Variants in FARP1 observed in about 807,000 individuals in gnomAD.
The protein encoded by FARP1 is FERM, ARH/RhoGEF and pleckstrin domain protein 1, also known as FERM, ARHGEF and pleckstrin domain-containing protein 1.
A neutral mutation model predicts 128.8 loss-of-function variants in FARP1; 52 were observed. That is an observed-to-expected ratio of 0.40 (90% CI 0.32 to 0.51). The LOEUF is 0.51. Ranked by LOEUF, FARP1 falls within the 20% of genes least tolerant of loss-of-function variation. The probability of loss-of-function intolerance (pLI) is 0.45; values close to 1 mark genes in which losing one functional copy is unlikely to be tolerated. For missense variants in FARP1, 1,333 were observed against 1,367.9 expected, an observed-to-expected ratio of 0.97 and a Z score of 0.40; for synonymous variants, 580 against 551.8, an observed-to-expected ratio of 1.05 and a Z score of -0.72.
intron 2 of FARP1, chr13:98,328,686 C>T (rs147099548): frequency 6.6e-6 from 1 of 152,200 alleles, no homozygotes; most frequent in Admixed American, 6.5e-5. Flanking sequence ...TTGCCAGCAT[C>T]ACTACTGTTT....
chr13:98,236,226 A>G (rs1325329797), intron 2 of FARP1, among the ~76,000 whole-genome samples: 1 of 152,084 alleles, frequency 6.6e-6, no homozygotes, highest in African/African-American at 2.4e-5. Flanking sequence ...TTCTTCAAAA[A>G]CCTTGATTTG....
chr13:98,358,649 C>T (rs1888735680), intron 3 of FARP1, among the ~76,000 whole-genome samples: 1 of 151,884 alleles, frequency 6.6e-6, no homozygotes, highest in African/African-American at 2.4e-5. Context: ...CTTTCTTTTT[C>T]TTTTTTTCTT....
intron 2 of FARP1, among the ~76,000 whole-genome samples, chr13:98,332,075 A>C (rs1449271972): frequency 6.6e-6 from 1 of 152,110 alleles, no homozygotes; most frequent in African/African-American, 2.4e-5. Context: ...TTGTGGTAAA[A>C]TATACGTAAC....
chr13:98,448,187 G>A (rs752571790), intron 26 of FARP1, 49 bp from the exon 27 acceptor site: 6 of 1,494,174 alleles, frequency 4.0e-6, no homozygotes, highest in South Asian at 3.4e-5. Context: ...CAAAGTGTCA[G>A]GAGTCCGTCC....
Position 98,440,048 on chromosome 13 carries a change from C to G in FARP1, c.2516+5C>G, listed in dbSNP as rs754798131. On this transcript the variant is annotated splice_donor_5th_base_variant and intron_variant, in intron 22 of 26. Transcript: ENST00000319562. The stretch of plus-strand genomic sequence containing the variant: ...GTCCATCATCGTGGCCGCCAGGTAA[C>G]TCGGGAGCCCGCCCCTTGCCTGTTT... 2 of 1,608,208 alleles carry G rather than the reference C, an allele frequency of 1.2e-6. No homozygotes were observed. Among genetic ancestry groups the G allele is most frequent in the Non-Finnish European group, 8.5e-7 (1 of 1,175,324 alleles).
chr13:98,161,783 TTCTC>T (rs1229739487), intron 1 of FARP1, among the ~76,000 whole-genome samples: 1 of 152,012 alleles, frequency 6.6e-6, no homozygotes. Flanking sequence ...CCTTCTTTCT[TTCTC>T]CCTTTCTTTC....
intron 26 of FARP1, chr13:98,447,022 C>G: frequency 1.8e-6 from 1 of 564,136 alleles, no homozygotes; most frequent in Non-Finnish European, 3.2e-6. Flanking sequence ...TGCGCCCTTA[C>G]CCTGCACGGT....
intron 1 of FARP1, among the ~76,000 whole-genome samples, chr13:98,165,551 T>C (rs1326878391): frequency 6.6e-6 from 1 of 151,810 alleles, no homozygotes; most frequent in Non-Finnish European, 1.5e-5. Flanking sequence ...GTTACACAAA[T>C]AATGAAAATT....
At chr13:98,387,169 C>T (rs775747453) in intron 8 of FARP1, among the ~76,000 whole-genome samples, 13 of 152,042 alleles carry the variant, frequency 8.6e-5, no homozygotes, top group Non-Finnish European at 1.8e-4. Flanking sequence ...GGCATGATGG[C>T]GTGTACCTGT....
intron 2 of FARP1, among the ~76,000 whole-genome samples, chr13:98,270,435 G>A (rs1431355686): frequency 2.0e-5 from 3 of 152,148 alleles, no homozygotes; most frequent in Non-Finnish European, 4.4e-5. Context: ...TTTAAATGTG[G>A]ACATGGGCAT....
chr13:98,174,982 G>A (rs895624516), intron 1 of FARP1, among the ~76,000 whole-genome samples: 3 of 152,100 alleles, frequency 2.0e-5, no homozygotes, highest in Non-Finnish European at 4.4e-5. Context: ...TGGGTGGGTC[G>A]ATGGGTGTGG....
chr13:98,222,773 G>T (rs1881496034), intron 2 of FARP1, among the ~76,000 whole-genome samples: 3 of 150,030 alleles, frequency 2.0e-5, no homozygotes. Context: ...GACTGCAGGC[G>T]TGCACCACCA....
intron 2 of FARP1, among the ~76,000 whole-genome samples, chr13:98,308,033 C>CTTTTTTTTT (rs10536692): frequency 2.9e-4 from 5 of 16,966 alleles, no homozygotes; most frequent in Non-Finnish European, 3.9e-4. Context: ...CACTCTCTCT[C>CTTTTTTTTT]TTTTTTTTTT....
At chr13:98,413,131 G>A (rs1891253422) in intron 16 of FARP1, among the ~76,000 whole-genome samples, 2 of 152,228 alleles carry the variant, frequency 1.3e-5, no homozygotes, top group African/African-American at 4.8e-5. Context: ...CTCCCTAAGT[G>A]ATGTCCGGCT....
At chr13:98,230,306 C>G (rs1402834232) in intron 2 of FARP1, among the ~76,000 whole-genome samples, 2 of 138,264 alleles carry the variant, frequency 1.4e-5, no homozygotes, top group African/African-American at 6.7e-5. Context: ...GAAATTAACC[C>G]TAACCCTCCG....
intron 26 of FARP1, chr13:98,447,084 C>T (rs2281767): frequency 0.46 from 195,287 of 423,602 alleles, 45,838 homozygotes; most frequent in Non-Finnish European, 0.49. Context: ...ATAACGTGTC[C>T]GGGATGATGA....
At chr13:98,443,402 C>G (rs1210025792) in intron 24 of FARP1, among the ~76,000 whole-genome samples, 1 of 152,198 alleles carries the variant, frequency 6.6e-6, no homozygotes. Flanking sequence ...AATCTTGTGT[C>G]GGTGGCAGGC....
intron 6 of FARP1, chr13:98,382,253 G>A (rs1889913470): frequency 6.6e-6 from 1 of 152,116 alleles, no homozygotes; most frequent in African/African-American, 2.4e-5. Context: ...GTCAGATTTT[G>A]AGTATGTGTC....
At chr13:98,446,447 G>C (rs1892840259) in intron 25 of FARP1, 4 of 606,224 alleles carry the variant, frequency 6.6e-6, no homozygotes, top group Non-Finnish European at 2.9e-6. Flanking sequence ...GCCTGGACAA[G>C]GGACGGGGGT....
Sources: gnomAD v4.1 joint callset for allele counts (sites outside exome capture counted in the v4.1 genomes callset) on GRCh38, gnomAD v4.1.1 for gene constraint, MANE v1.5 for transcripts, NCBI Gene and HGNC (gene_info 2026-07-23, HGNC 2026-07-21) for gene names.